The following RAD51B variants were observed in gnomAD, a reference collection of about 807,000 sequenced individuals.
The protein encoded by RAD51B is RAD51 paralog B.
A neutral mutation model predicts 42.2 loss-of-function variants in RAD51B; 38 were observed. The ratio of observed to expected loss-of-function variants is 0.90; its 90% CI spans 0.70 to 1.18. The LOEUF is 1.18. Among genes scored for constraint, RAD51B ranks in the 50% most tolerant of loss-of-function variants. The pLI is 0.00. For synonymous variants in RAD51B, 154 were observed against 145.2 expected (o/e 1.06, Z -0.43); for missense variants, 373 against 400.7 (o/e 0.93, Z 0.59).
At chr14:68,018,465 T>A (rs2075812539) in intron 7 of RAD51B, among the ~76,000 whole-genome samples, 1 of 152,210 alleles carries the variant, frequency 6.6e-6, no homozygotes, top group South Asian at 2.1e-4. Context: ...TATTTTAAGG[T>A]TGTAATATCT....
At chr14:68,532,402 A>G (rs1406829750) in intron 10 of RAD51B, among the ~76,000 whole-genome samples, 4 of 152,228 alleles carry the variant, frequency 2.6e-5, no homozygotes, top group Non-Finnish European at 5.9e-5. Flanking sequence ...AACATAATTT[A>G]TAATGATAGA....
chr14:67,948,633 C>T (rs116815024), intron 7 of RAD51B, among the ~76,000 whole-genome samples: 2,424 of 151,646 alleles, frequency 0.016, 57 homozygotes, highest in African/African-American at 0.054. Context: ...AATATTATGT[C>T]AAAAAAGCAA....
chr14:67,979,806 G>A (rs1217373884), intron 7 of RAD51B, among the ~76,000 whole-genome samples: 1 of 152,056 alleles, frequency 6.6e-6, no homozygotes, highest in Non-Finnish European at 1.5e-5. Flanking sequence ...TTTGACTGGA[G>A]TCTTTTATAC....
At chr14:68,065,209 A>G (rs1191386433) in intron 7 of RAD51B, among the ~76,000 whole-genome samples, 1 of 151,944 alleles carries the variant, frequency 6.6e-6, no homozygotes, top group African/African-American at 2.4e-5. Context: ...GTCTCCATGC[A>G]GTTTCTTCAG....
intron 7 of RAD51B, among the ~76,000 whole-genome samples, chr14:68,003,726 A>G (rs1488601052): frequency 2.6e-5 from 4 of 152,202 alleles, no homozygotes; most frequent in African/African-American, 9.7e-5. Context: ...TTTAAACATG[A>G]AAGGATGTTG....
At chr14:68,548,466 G>A (rs1016185452) in intron 10 of RAD51B, among the ~76,000 whole-genome samples, 1 of 152,214 alleles carries the variant, frequency 6.6e-6, no homozygotes, top group Non-Finnish European at 1.5e-5. Context: ...ATTGCAGAGC[G>A]GGTTGTGGGG....
At chr14:68,246,241 G>A (rs1370864599) in intron 7 of RAD51B, among the ~76,000 whole-genome samples, 1 of 151,756 alleles carries the variant, frequency 6.6e-6, no homozygotes, top group Non-Finnish European at 1.5e-5. Flanking sequence ...ATGGGAGAAA[G>A]ATTGATGAGA....
chr14:68,287,965 G>T (rs1346040286), intron 7 of RAD51B, among the ~76,000 whole-genome samples: 1 of 152,080 alleles, frequency 6.6e-6, no homozygotes, highest in Non-Finnish European at 1.5e-5. Context: ...TAGAGCCCAG[G>T]ATCTAAGTTC....
chr14:68,375,695 T>C (rs2083354582), intron 8 of RAD51B, among the ~76,000 whole-genome samples: 1 of 152,142 alleles, frequency 6.6e-6, no homozygotes, highest in Admixed American at 6.5e-5. Flanking sequence ...GCTTGATACA[T>C]AGTGGGCACT....
chr14:68,408,431 A>G lies in RAD51B; in HGVS notation c.854-2993A>G, dbSNP rs368024886. ...ATGTAGACTTGCAGTTCTTGTGGTT[A>G]AAAGTGGAAGACAAGTGTTGAGACA... On this transcript the variant is annotated intron_variant, in intron 8 of 10. Transcript: ENST00000471583. Among the ~76,000 whole-genome samples the G allele has an allele frequency of 3.9e-5, 6 of 152,290 alleles. No individual in the cohort carries two copies. The East Asian group carries it at 7.7e-4, about 20-fold the overall frequency.
chr14:68,024,564 G>A (rs936682965), intron 7 of RAD51B, among the ~76,000 whole-genome samples: 6 of 152,042 alleles, frequency 3.9e-5, no homozygotes, highest in African/African-American at 1.4e-4. Context: ...TCCTTGGTTT[G>A]ATGTATTCTT....
intron 7 of RAD51B, among the ~76,000 whole-genome samples, chr14:68,074,572 T>G (rs942866245): frequency 2.6e-5 from 4 of 152,176 alleles, no homozygotes; most frequent in African/African-American, 9.7e-5. Flanking sequence ...TGGGGAGATG[T>G]TGTAGTCATT....
chr14:68,585,766 G>A (rs552936375), intron 10 of RAD51B, among the ~76,000 whole-genome samples: 1 of 152,308 alleles, frequency 6.6e-6, no homozygotes, highest in South Asian at 2.1e-4. Flanking sequence ...AGCAGCTCCG[G>A]AAAGACGTGG....
intron 4 of RAD51B, among the ~76,000 whole-genome samples, chr14:67,855,355 C>T (rs1398597955): frequency 2.6e-5 from 4 of 151,958 alleles, no homozygotes; most frequent in Non-Finnish European, 5.9e-5. Context: ...CTCAGCCTCC[C>T]CAGCAGCTGG....
At chr14:68,343,390 T>C (rs768676804) in intron 8 of RAD51B, among the ~76,000 whole-genome samples, 11 of 152,226 alleles carry the variant, frequency 7.2e-5, no homozygotes, top group Non-Finnish European at 1.6e-4. Flanking sequence ...GCATGAACTT[T>C]TAGGGTCAGG....
chr14:67,893,507 CACAA>C (rs1400114811), intron 7 of RAD51B, among the ~76,000 whole-genome samples: 4,309 of 75,282 alleles, frequency 0.057, 122 homozygotes, highest in South Asian at 0.088. Context: ...CACACACACA[CACAA>C]AAAAAAACAA....
intron 5 of RAD51B, among the ~76,000 whole-genome samples, chr14:67,882,721 G>C (rs1388544735): frequency 6.6e-6 from 1 of 151,766 alleles, no homozygotes; most frequent in Non-Finnish European, 1.5e-5. Context: ...CATTCTTCTA[G>C]ACACTCACCC....
chr14:68,682,030 C>T (rs979627440), intron 11 of RAD51B, among the ~76,000 whole-genome samples: 1 of 152,100 alleles, frequency 6.6e-6, no homozygotes, highest in African/African-American at 2.4e-5. Flanking sequence ...TAACCAAAAA[C>T]CACTCGTACC....
At chr14:68,011,003 TAGTG>T (rs1372952848) in intron 7 of RAD51B, among the ~76,000 whole-genome samples, 1 of 151,912 alleles carries the variant, frequency 6.6e-6, no homozygotes, top group African/African-American at 2.4e-5. Context: ...GAAAGAAAGG[TAGTG>T]AGTCATACAA....
Sources: gnomAD v4.1 joint callset for allele counts (sites outside exome capture counted in the v4.1 genomes callset) on GRCh38, gnomAD v4.1.1 for gene constraint, MANE v1.5 for transcripts, NCBI Gene and HGNC (gene_info 2026-07-23, HGNC 2026-07-21) for gene names.